ZNF69: variants seen among roughly 807,000 people sequenced by gnomAD.
The protein encoded by ZNF69 is ZNF3.
ZNF69 carries 47 observed loss-of-function variants against 50.9 expected under a neutral mutation model. The ratio of observed to expected loss-of-function variants is 0.92; its 90% CI spans 0.73 to 1.18. The LOEUF is 1.18. Among genes scored for constraint, ZNF69 ranks in the 50% most tolerant of loss-of-function variants. The pLI is 0.00. For missense variants in ZNF69, 717 were observed against 675.1 expected (o/e 1.06, Z -0.69); for synonymous variants, 216 against 223.1 (o/e 0.97, Z 0.29).
chr19:11,978,184 T>G, the ZNF69 span: 3 of 1,613,956 alleles, frequency 1.9e-6, no homozygotes, highest in African/African-American at 4.0e-5. Context: ...TTTACCCAGG[T>G]TCCAGATGAC....
rs752289883 is a variant in ZNF69, at chr19:11,887,990, C to T, written c.63+4C>T. 4.4e-6 allele frequency: 7 copies of T among 1,609,136 alleles called. No individual in the cohort carries two copies. The African/African-American group carries it at 8.0e-5, about 18-fold the overall frequency. ...GACATCTGAAAGCCAGGAAATGGTGCGTGTCTGGGGCCGGGTGTCGTGAGA... is the reference window on the plus strand; with the variant it reads ...GACATCTGAAAGCCAGGAAATGGTGTGTGTCTGGGGCCGGGTGTCGTGAGA... On this transcript the variant is annotated splice_donor_region_variant and intron_variant, in intron 1 of 3. Transcript: ENST00000429654.
the ZNF69 span, among the ~76,000 whole-genome samples, chr19:11,967,468 G>A: frequency 4.2e-4 from 64 of 152,056 alleles, no homozygotes; most frequent in African/African-American, 1.3e-3. Context: ...GCAGTGGCGC[G>A]ATCTCGGCTC....
chr19:11,946,108 A>G, the ZNF69 span, among the ~76,000 whole-genome samples: 17 of 152,206 alleles, frequency 1.1e-4, no homozygotes, highest in Non-Finnish European at 1.8e-4. Flanking sequence ...TTAGTCCAGT[A>G]GCCCTTCTGC....
the ZNF69 span, chr19:11,950,198 C>T: frequency 1.2e-6 from 2 of 1,613,396 alleles, no homozygotes; most frequent in Middle Eastern, 1.6e-4. Context: ...CACGCAAGGA[C>T]TCATATGGGA....
At chr19:11,897,721 A>C (rs1568275191) in intron 1 of ZNF69, among the ~76,000 whole-genome samples, 1 of 151,468 alleles carries the variant, frequency 6.6e-6, no homozygotes, top group African/African-American at 2.4e-5. Context: ...AAATATAAAA[A>C]ATTAGCCGAG....
chr19:11,948,660 C>T, the ZNF69 span: 1 of 1,611,326 alleles, frequency 6.2e-7, no homozygotes, highest in Non-Finnish European at 8.5e-7. Flanking sequence ...TTCGAAGACA[C>T]ATGGTAATGC....
the ZNF69 span, among the ~76,000 whole-genome samples, chr19:11,937,485 C>CT: frequency 0.049 from 6,724 of 138,234 alleles, 544 homozygotes; most frequent in African/African-American, 0.12. Context: ...TTCTTTTTTT[C>CT]TTTCCTTTTT....
intron 1 of ZNF69, among the ~76,000 whole-genome samples, chr19:11,896,640 A>G (rs1391963087): frequency 6.6e-6 from 1 of 152,164 alleles, no homozygotes; most frequent in East Asian, 1.9e-4. Context: ...GCTGTCATCT[A>G]ATCCTAATTA....
At chr19:11,925,949 A>G in the ZNF69 span, among the ~76,000 whole-genome samples, 61 of 152,302 alleles carry the variant, frequency 4.0e-4, 1 homozygote, top group Middle Eastern at 0.01. Flanking sequence ...TCAGTGCCTG[A>G]AAGGTGTAAG....
chr19:11,955,015 T>A, the ZNF69 span, among the ~76,000 whole-genome samples: 10 of 150,152 alleles, frequency 6.7e-5, no homozygotes, highest in African/African-American at 2.5e-4. Context: ...TTTTTTTTTT[T>A]TTTTTTGAGA....
the ZNF69 span, among the ~76,000 whole-genome samples, chr19:11,922,788 C>G: frequency 6.6e-6 from 1 of 151,928 alleles, no homozygotes; most frequent in African/African-American, 2.4e-5. Context: ...CAGGGTTTCC[C>G]CGGGGAGTCT....
chr19:11,972,926 A>C, the ZNF69 span, among the ~76,000 whole-genome samples: 131 of 126,150 alleles, frequency 1.0e-3, 2 homozygotes, highest in South Asian at 0.028. Context: ...ACCCTGTTTC[A>C]AAAAAAAAAA....
At chr19:11,922,815 G>GTT in the ZNF69 span, among the ~76,000 whole-genome samples, 1 of 147,782 alleles carries the variant, frequency 6.8e-6, no homozygotes, top group African/African-American at 2.5e-5. Flanking sequence ...CTTTTTATGG[G>GTT]TTTTTTTGTT....
chr19:11,939,588 T>G, the ZNF69 span, among the ~76,000 whole-genome samples: 1 of 152,200 alleles, frequency 6.6e-6, no homozygotes, highest in African/African-American at 2.4e-5. Context: ...GGTCTATATC[T>G]CTGTTTTGGT....
At chr19:11,942,914 C>A in the ZNF69 span, among the ~76,000 whole-genome samples, 5 of 152,178 alleles carry the variant, frequency 3.3e-5, no homozygotes, top group Admixed American at 2.0e-4. Flanking sequence ...CTTATTCCCC[C>A]CTTTGAGAAT....
At chr19:11,911,301 G>A (rs1972453976), downstream of ZNF69, among the ~76,000 whole-genome samples, 1 of 152,172 alleles carries the variant, frequency 6.6e-6, no homozygotes, top group Non-Finnish European at 1.5e-5. Flanking sequence ...AATACCATTT[G>A]ACCCAGCCAT....
the ZNF69 span, among the ~76,000 whole-genome samples, chr19:11,932,648 T>TG: frequency 6.9e-6 from 1 of 144,408 alleles, no homozygotes; most frequent in Non-Finnish European, 1.5e-5. Flanking sequence ...TTTTTTTTTT[T>TG]TTTTTTTGAG....
chr19:11,889,141 C>G (rs907682282), intron 1 of ZNF69, among the ~76,000 whole-genome samples: 4 of 152,136 alleles, frequency 2.6e-5, no homozygotes, highest in Non-Finnish European at 1.5e-5. Context: ...TGTTATCTGC[C>G]ACTTGATTCC....
chr19:11,932,916 C>T, the ZNF69 span, among the ~76,000 whole-genome samples: 2 of 148,330 alleles, frequency 1.3e-5, no homozygotes, highest in Admixed American at 6.6e-5. Context: ...GGATTACAGG[C>T]GTGAGCCACT....
Sources: allele counts gnomAD v4.1 joint callset (sites outside exome capture counted in the v4.1 genomes callset), GRCh38; gene constraint gnomAD v4.1.1; transcripts MANE v1.5; gene names NCBI Gene and HGNC (gene_info 2026-07-23, HGNC 2026-07-21).